Variants in AFAP1 observed in about 807,000 individuals in gnomAD.
The protein encoded by AFAP1 is actin filament-associated protein 1.
A neutral mutation model predicts 93.9 loss-of-function variants in AFAP1; 75 were observed. The ratio of observed to expected loss-of-function variants is 0.80; its 90% CI spans 0.66 to 0.97. The LOEUF (loss-of-function observed/expected upper bound fraction) is 0.97. Ranked by LOEUF, AFAP1 falls within the 50% of genes least tolerant of loss-of-function variation. AFAP1 has a pLI of 0.00. For missense variants in AFAP1, 1,201 were observed against 1,050.8 expected, an observed-to-expected ratio of 1.14 and a Z score of -1.98; for synonymous variants, 517 against 430.7, an observed-to-expected ratio of 1.20 and a Z score of -2.48.
chr4:7,840,539 C>T (rs181518700), intron 5 of AFAP1, among the ~76,000 whole-genome samples: 1 of 152,108 alleles, frequency 6.6e-6, no homozygotes, highest in African/African-American at 2.4e-5. Flanking sequence ...GTCTCGAACT[C>T]CTGACTTCAT....
intron 3 of AFAP1, among the ~76,000 whole-genome samples, chr4:7,861,122 C>T (rs1715630017): frequency 1.3e-5 from 2 of 152,220 alleles, no homozygotes; most frequent in Admixed American, 6.5e-5. Flanking sequence ...TCTACAGTGA[C>T]ACCTCCAGAT....
At chr4:7,894,751 G>A (rs922953061) in intron 1 of AFAP1, among the ~76,000 whole-genome samples, 3 of 152,162 alleles carry the variant, frequency 2.0e-5, no homozygotes, top group African/African-American at 4.8e-5. Flanking sequence ...AGGCTCTTGC[G>A]TTATCTGGCT....
intron 6 of AFAP1, among the ~76,000 whole-genome samples, chr4:7,831,098 A>T (rs964569267): frequency 2.0e-5 from 3 of 152,198 alleles, no homozygotes; most frequent in Non-Finnish European, 4.4e-5. Flanking sequence ...AATCACTGGG[A>T]ATCAATGTTT....
intron 8 of AFAP1, among the ~76,000 whole-genome samples, chr4:7,811,693 C>T (rs866027095): frequency 2.0e-5 from 3 of 152,114 alleles, no homozygotes; most frequent in East Asian, 3.9e-4. Flanking sequence ...CGTGTGAAGG[C>T]GCGGGAGGGG....
chr4:7,811,079 T>C (rs1433412264), intron 8 of AFAP1, among the ~76,000 whole-genome samples: 1 of 152,216 alleles, frequency 6.6e-6, no homozygotes, highest in Non-Finnish European at 1.5e-5. Context: ...TCTCATCTCC[T>C]GAGGGCCGTT....
At chr4:7,934,880 T>G (rs1333462037) in intron 1 of AFAP1, among the ~76,000 whole-genome samples, 1 of 152,240 alleles carries the variant, frequency 6.6e-6, no homozygotes, top group Admixed American at 6.5e-5. Context: ...TGGACATTCA[T>G]TACTTCATTT....
intron 4 of AFAP1, among the ~76,000 whole-genome samples, chr4:7,853,146 A>G (rs898380071): frequency 5.3e-5 from 8 of 151,962 alleles, no homozygotes; most frequent in Admixed American, 1.3e-4. Flanking sequence ...CACTTCCCAA[A>G]ATTCCCTTTC....
At chr4:7,862,964 C>T (rs971621870) in intron 3 of AFAP1, among the ~76,000 whole-genome samples, 2 of 152,198 alleles carry the variant, frequency 1.3e-5, no homozygotes, top group African/African-American at 4.8e-5. Flanking sequence ...CGGCTGCTTG[C>T]GAGCTGGGCA....
At chr4:7,805,463 T>G (rs890146785) in intron 9 of AFAP1, among the ~76,000 whole-genome samples, 1 of 152,182 alleles carries the variant, frequency 6.6e-6, no homozygotes, top group Non-Finnish European at 1.5e-5. Flanking sequence ...AGGTCTGGTA[T>G]GCTTAGGTGA....
At chr4:7,791,855 A>AAC (rs35418361) in intron 11 of AFAP1, among the ~76,000 whole-genome samples, 16,063 of 147,060 alleles carry the variant, frequency 0.11, 1,363 homozygotes, top group East Asian at 0.47. Flanking sequence ...AAAAAAACAA[A>AAC]AACAAAAAAC....
In AFAP1 at chr4:7,912,724, GCTC is replaced by G. The variant is rs139126885; in HGVS notation, c.-3+26929_-3+26931del. ...TGCAATTAGTTTCTCCCAGTCTGTA[GCTC>G]CTCTTTTCATCTTTATTTTGCATTT... On this transcript the variant is annotated intron_variant, in intron 1 of 17. Transcript: ENST00000420658. Among the ~76,000 whole-genome samples the G allele has an allele frequency of 7.3e-3, 1,106 of 152,210 alleles. 8 individuals carry two copies. Among genetic ancestry groups the G allele is most frequent in the African/African-American group, 0.024 (994 of 41,512 alleles).
At chr4:7,806,184 A>G (rs989941625) in intron 9 of AFAP1, among the ~76,000 whole-genome samples, 2 of 152,226 alleles carry the variant, frequency 1.3e-5, no homozygotes, top group African/African-American at 2.4e-5. Flanking sequence ...GACCTGCCCA[A>G]TGCTAAATGC....
At chr4:7,775,083 G>T (rs73206593) in intron 14 of AFAP1, 180 bp from the exon 15 acceptor site, 4 of 683,768 alleles carry the variant, frequency 5.8e-6, no homozygotes, top group Non-Finnish European at 9.5e-6. Context: ...TGAGGCTGCA[G>T]TGAGCTGTGA....
chr4:7,914,624 C>T (rs546274887), intron 1 of AFAP1, among the ~76,000 whole-genome samples: 43 of 151,888 alleles, frequency 2.8e-4, no homozygotes, highest in African/African-American at 1.0e-3. Context: ...GATGCCCCTC[C>T]GACACTGATT....
chr4:7,794,870 T>C (rs12512093), intron 10 of AFAP1, among the ~76,000 whole-genome samples: 17,426 of 152,192 alleles, frequency 0.11, 1,225 homozygotes, highest in East Asian at 0.27. Flanking sequence ...GTTACATTTT[T>C]AGTGGTATTT....
chr4:7,865,193 C>T (rs911013091), intron 3 of AFAP1, among the ~76,000 whole-genome samples: 3 of 152,178 alleles, frequency 2.0e-5, no homozygotes, highest in Non-Finnish European at 2.9e-5. Flanking sequence ...ATGTGGCCCT[C>T]GGTCCTACAT....
At chr4:7,934,033 CGTTTCCTG>C (rs1431795013) in intron 1 of AFAP1, among the ~76,000 whole-genome samples, 3 of 152,194 alleles carry the variant, frequency 2.0e-5, no homozygotes, top group Non-Finnish European at 2.9e-5. Context: ...ATCTGACAAG[CGTTTCCTG>C]ATTTCCTTAC....
chr4:7,788,868 G>C (rs1049137276), intron 11 of AFAP1: 1 of 152,344 alleles, frequency 6.6e-6, no homozygotes, highest in Non-Finnish European at 1.5e-5. Context: ...TCACGGGCTT[G>C]CATCTTCAGT....
intron 1 of AFAP1, among the ~76,000 whole-genome samples, chr4:7,926,690 A>AG (rs749193507): frequency 1.3e-5 from 2 of 152,272 alleles, no homozygotes; most frequent in East Asian, 3.9e-4. Context: ...TGGCTGCTGT[A>AG]GGGCCTCTTC....
Sources: gnomAD v4.1 joint callset for allele counts (sites outside exome capture counted in the v4.1 genomes callset) on GRCh38, gnomAD v4.1.1 for gene constraint, MANE v1.5 for transcripts, NCBI Gene and HGNC (gene_info 2026-07-23, HGNC 2026-07-21) for gene names.